The following FRMD4A variants were observed in gnomAD, a reference collection of about 807,000 sequenced individuals.
FRMD4A encodes the protein FERM domain containing 4A.
Under a neutral mutation model 129.1 loss-of-function variants are expected in FRMD4A, and 29 were observed. That is an observed-to-expected ratio of 0.22 (90% CI 0.17 to 0.31). The LOEUF (loss-of-function observed/expected upper bound fraction) is 0.31. FRMD4A is among the 10% of genes least tolerant of loss of function. The pLI, the probability that FRMD4A is intolerant of heterozygous loss-of-function variation, is 1.00. For synonymous variants in FRMD4A, 634 were observed against 571.6 expected (o/e 1.11, Z -1.56); for missense variants, 1,272 against 1,375.8 (o/e 0.92, Z 1.19).
In FRMD4A at chr10:14,199,278, CTTATTTTATTTAT is replaced by C. The variant is rs199516027; in HGVS notation, c.45+130767_45+130779del. Among the ~76,000 whole-genome samples, 808 of 139,606 alleles carry C rather than the reference CTTATTTTATTTAT, an allele frequency of 5.8e-3. 7 individuals carry two copies. The highest frequency in any genetic ancestry group is 0.013 in the East Asian group (64 of 4,822). The allele number at this position is 139,606 out of a possible 152,430, so 91.6% of individuals were successfully genotyped here. A position where few individuals can be genotyped will look rare whatever the true frequency, so the allele number is the denominator to read the frequency against. On this transcript the variant is annotated intron_variant, in intron 2 of 24. Transcript: ENST00000357447. The stretch of plus-strand genomic sequence containing the variant: ...ATTCTACTGCTTGATTTTTAAGTGT[CTTATTTTATTTAT>C]TTATTTATTTATTTATTTATTTATT...
chr10:13,976,535 A>G (rs575145742), intron 2 of FRMD4A, among the ~76,000 whole-genome samples: 1 of 137,076 alleles, frequency 7.3e-6, no homozygotes, highest in East Asian at 2.7e-4. Context: ...TGCTTCTGTA[A>G]AGACAGAGGA....
chr10:13,689,099 A>G (rs911565293), intron 15 of FRMD4A, among the ~76,000 whole-genome samples: 2 of 151,068 alleles, frequency 1.3e-5, no homozygotes, highest in Non-Finnish European at 2.9e-5. Flanking sequence ...AAAGGTAATT[A>G]TGTGTCCTTA....
intron 23 of FRMD4A, chr10:13,653,572 C>T (rs1184296052): frequency 6.6e-6 from 1 of 152,294 alleles, no homozygotes; most frequent in Non-Finnish European, 1.5e-5. Context: ...CATGATTCAA[C>T]TCACAGCCAG....
chr10:13,847,373 G>T (rs1039226806), intron 3 of FRMD4A, among the ~76,000 whole-genome samples: 1 of 152,196 alleles, frequency 6.6e-6, no homozygotes, highest in Non-Finnish European at 1.5e-5. Context: ...GGGAAGGCCC[G>T]CTGGGGTAGA....
At chr10:14,035,680 G>C (rs908569629) in intron 2 of FRMD4A, among the ~76,000 whole-genome samples, 5 of 152,114 alleles carry the variant, frequency 3.3e-5, no homozygotes, top group Admixed American at 2.0e-4. Flanking sequence ...GAGCACAAGA[G>C]GATCCCAGCC....
intron 2 of FRMD4A, among the ~76,000 whole-genome samples, chr10:14,014,997 C>CTCTCCTTCCTTCCTCCCTCCCTCCCT (rs2095693917): frequency 1.5e-5 from 1 of 67,780 alleles, no homozygotes; most frequent in Non-Finnish European, 2.9e-5. Context: ...CCTTTCTTAT[C>CTCTCCTTCCTTCCTCCCTCCCTCCCT]TCCTTCCTTC....
chr10:13,901,169 A>G (rs566482031), intron 2 of FRMD4A, among the ~76,000 whole-genome samples: 12 of 152,288 alleles, frequency 7.9e-5, no homozygotes, highest in Admixed American at 6.5e-4. Context: ...TCTCAACCCT[A>G]AGGTGTGTTC....
chr10:13,864,347 A>AAAG (rs1468122814), intron 2 of FRMD4A, among the ~76,000 whole-genome samples: 1 of 150,826 alleles, frequency 6.6e-6, no homozygotes, highest in Admixed American at 6.6e-5. Flanking sequence ...TCAAAAAAAA[A>AAAG]AAAAAAAGAA....
chr10:13,797,137 AAGGG>A (rs1402169045), intron 4 of FRMD4A, among the ~76,000 whole-genome samples: 3 of 152,186 alleles, frequency 2.0e-5, no homozygotes, highest in African/African-American at 7.2e-5. Flanking sequence ...CTGGAAAGTG[AAGGG>A]ATTGAGACCT....
chr10:13,894,595 C>G (rs2094736978), intron 2 of FRMD4A, among the ~76,000 whole-genome samples: 1 of 152,206 alleles, frequency 6.6e-6, no homozygotes, highest in Non-Finnish European at 1.5e-5. Flanking sequence ...CCTGCCACAT[C>G]CTCTTTGTCT....
intron 2 of FRMD4A, among the ~76,000 whole-genome samples, chr10:14,103,189 G>T (rs1391713882): frequency 2.0e-5 from 3 of 152,142 alleles, no homozygotes; most frequent in Non-Finnish European, 4.4e-5. Flanking sequence ...ACCCCAAGAT[G>T]CTTCATTCTC....
At chr10:14,275,898 G>T (rs1017319317) in intron 2 of FRMD4A, among the ~76,000 whole-genome samples, 1 of 152,174 alleles carries the variant, frequency 6.6e-6, no homozygotes, top group East Asian at 1.9e-4. Flanking sequence ...AATTAGCGAG[G>T]AGTAGTGATG....
intron 2 of FRMD4A, among the ~76,000 whole-genome samples, chr10:14,114,293 A>G (rs905081910): frequency 6.6e-6 from 1 of 152,138 alleles, no homozygotes; most frequent in African/African-American, 2.4e-5. Flanking sequence ...TCGGAGACAC[A>G]GGTAGGGCTT....
intron 8 of FRMD4A, 112 bp downstream of exon 8, chr10:13,761,535 C>T: frequency 1.3e-6 from 1 of 744,194 alleles, no homozygotes; most frequent in Non-Finnish European, 2.3e-6. Flanking sequence ...TCATCATTAA[C>T]ATATAACATG....
chr10:14,220,637 G>A (rs1843217833), intron 2 of FRMD4A, among the ~76,000 whole-genome samples: 1 of 152,200 alleles, frequency 6.6e-6, no homozygotes, highest in Non-Finnish European at 1.5e-5. Flanking sequence ...TGCAGTAAAT[G>A]ACTCTTAAAT....
chr10:14,040,197 G>C (rs574150002), intron 2 of FRMD4A, among the ~76,000 whole-genome samples: 1 of 152,044 alleles, frequency 6.6e-6, no homozygotes, highest in African/African-American at 2.4e-5. Context: ...CTCTGGCTCC[G>C]GGGTCAGTGA....
chr10:13,688,831 C>T (rs2085363549), intron 15 of FRMD4A, among the ~76,000 whole-genome samples: 1 of 152,104 alleles, frequency 6.6e-6, no homozygotes, highest in Admixed American at 6.6e-5. Context: ...AACTCTCCTG[C>T]CTCAGCCTCC....
intron 13 of FRMD4A, among the ~76,000 whole-genome samples, chr10:13,702,388 A>G (rs1326330178): frequency 6.6e-6 from 1 of 152,232 alleles, no homozygotes; most frequent in East Asian, 1.9e-4. Flanking sequence ...TTAAATCTAC[A>G]TGGAGTAATC....
intron 2 of FRMD4A, among the ~76,000 whole-genome samples, chr10:14,039,356 A>ATCTG (rs1555021728): frequency 7.8e-6 from 1 of 128,474 alleles, no homozygotes; most frequent in Non-Finnish European, 1.7e-5. Context: ...TCACTTTCTG[A>ATCTG]TCTGTCCGTC....
Sources: allele counts gnomAD v4.1 joint callset (sites outside exome capture counted in the v4.1 genomes callset), GRCh38; gene constraint gnomAD v4.1.1; transcripts MANE v1.5; gene names NCBI Gene and HGNC (gene_info 2026-07-23, HGNC 2026-07-21).